The following CDC42SE1 variants were observed in gnomAD, a reference collection of about 807,000 sequenced individuals.
CDC42SE1 encodes the protein CDC42 small effector protein 1.
CDC42SE1 carries 10 observed loss-of-function variants against 10.9 expected under a neutral mutation model. The ratio of observed to expected loss-of-function variants is 0.92; its 90% CI spans 0.57 to 1.56. CDC42SE1 has a LOEUF of 1.56. Ranked by LOEUF, CDC42SE1 falls within the 40% of genes most tolerant of loss-of-function variation. The probability of loss-of-function intolerance (pLI) is 0.00; values close to 1 mark genes in which losing one functional copy is unlikely to be tolerated. For synonymous variants in CDC42SE1, 24 were observed against 32.0 expected (o/e 0.75, Z 0.85); for missense variants, 81 against 100.8 (o/e 0.80, Z 0.84).
Position 151,054,333 on chromosome 1 carries a change from C to G in CDC42SE1, c.166-12G>C. On this transcript the variant is annotated splice_polypyrimidine_tract_variant and intron_variant, in intron 3 of 4. Coordinates refer to ENST00000357235, the MANE Select transcript of CDC42SE1 (RefSeq NM_020239.4). Reference sequence around the variant, plus strand: ...TGAACTGCACCTGTCTGTAAAAAAACAGATGCGAGACACCTTCGTAAGTCT... The same window carrying G: ...TGAACTGCACCTGTCTGTAAAAAAAGAGATGCGAGACACCTTCGTAAGTCT... 1 of 1,607,088 alleles carries G rather than the reference C, an allele frequency of 6.2e-7. No individual in the cohort carries two copies. Among genetic ancestry groups the G allele is most frequent in the Non-Finnish European group, 8.5e-7 (1 of 1,173,880 alleles).
Position 151,055,125 on chromosome 1 carries a change from T to C in CDC42SE1, c.56A>G (p.Lys19Arg), listed in dbSNP as rs1676256621. ...CCGGTCAATCCGTCTTCTCTTCTTC[T>C]TCTGCTTGGAGAAGATAAGGAGTCA... ...GCCVVEKPQP[K>R]KKRRRIDRTM... Residue 19 changes from lysine (K) to arginine (R), a missense_variant and splice_region_variant, in exon 3 of 5, where the codon AAG becomes AGG. Coordinates refer to ENST00000357235, the MANE Select transcript of CDC42SE1 (RefSeq NM_020239.4). 1 of 1,611,320 alleles carries C rather than the reference T, an allele frequency of 6.2e-7. No homozygotes were observed. Among genetic ancestry groups the C allele is most frequent in the South Asian group, 1.1e-5 (1 of 91,004 alleles).
chr1:151,056,342 G>C (rs1352597152), intron 1 of CDC42SE1, among the ~76,000 whole-genome samples: 2 of 152,120 alleles, frequency 1.3e-5, no homozygotes, highest in African/African-American at 4.8e-5. Context: ...TCTGAGTTTA[G>C]GGCAGAAGGG....
intron 1 of CDC42SE1, 42 bp from the exon 2 acceptor site, chr1:151,056,035 TC>T (rs1676271598): frequency 2.4e-6 from 1 of 417,600 alleles, no homozygotes; most frequent in Non-Finnish European, 4.4e-6. Context: ...GTGAGAAATC[TC>T]CCCCTCCCCC....
In CDC42SE1 at chr1:151,055,713, G is replaced by A. The variant is rs1453842032; in HGVS notation, c.18C>T (p.His6=). 1.9e-6 allele frequency: 3 copies of A among 1,613,394 alleles called. No homozygotes were observed. Among genetic ancestry groups the A allele is most frequent in the African/African-American group, 2.7e-5 (2 of 74,886 alleles). The part of the protein sequence containing the change: MSEFW[H]KLGCCVVEKP... The stretch of plus-strand genomic sequence containing the variant: ...TCTCTACCACACAGCAGCCCAGTTT[G>A]TGCCAAAATTCACTCATGTTCCCTG... Residue 6 remains histidine, a synonymous_variant, in exon 2 of 5, where the codon CAC becomes CAT. Coordinates refer to ENST00000357235, the MANE Select transcript of CDC42SE1 (RefSeq NM_020239.4).
At position 151,055,102 on chromosome 1, in the gene CDC42SE1, G is replaced by A. The variant is rs775064335; in HGVS notation, c.79C>T (p.Arg27Trp). Residue 27 changes from arginine to tryptophan, a missense_variant, in exon 3 of 5, where the codon CGG (arginine) becomes TGG (tryptophan). By Grantham distance (101) the Arg-to-Trp change is moderately radical. Transcript: ENST00000357235. ...TTCATTGGTTCCCCAATCATGGTCCGGTCAATCCGTCTTCTCTTCTTCTTC... is the reference window on the plus strand; with the variant it reads ...TTCATTGGTTCCCCAATCATGGTCCAGTCAATCCGTCTTCTCTTCTTCTTC... Reference protein sequence around the residue: ...QPKKKRRRIDRTMIGEPMNFV... With the variant: ...QPKKKRRRIDWTMIGEPMNFV... The A allele has an allele frequency of 5.6e-6, 9 of 1,613,158 alleles. No individual in the cohort carries two copies. The highest frequency in any genetic ancestry group is 2.2e-5 in the East Asian group (1 of 44,858).
rs1337783730 is a variant in CDC42SE1, at chr1:151,055,962, C to A, written c.-232G>T. ...CCAGAGAGAGAGGTGGGCAGGCAGG[C>A]ACAAGGTTATGTCTTCCTCAGACTC... On this transcript the variant is annotated 5_prime_UTR_variant, in exon 2 of 5. Coordinates refer to ENST00000357235, the MANE Select transcript of CDC42SE1 (RefSeq NM_020239.4). 3.5e-6 allele frequency: 2 copies of A among 573,084 alleles called. No individual in the cohort carries two copies. Among genetic ancestry groups the A allele is most frequent in the Admixed American group, 3.0e-5 (1 of 33,220 alleles). The allele number at this position is 573,084 out of a possible 1,614,324, so 35.5% of individuals were successfully genotyped here. A position where few individuals can be genotyped will look rare whatever the true frequency, so the allele number is the denominator to read the frequency against.
At chr1:151,055,608 G>T in intron 2 of CDC42SE1, 69 bp downstream of exon 2, 1 of 1,269,770 alleles carries the variant, frequency 7.9e-7, no homozygotes, top group Non-Finnish European at 1.1e-6. Context: ...ATCCTAGATG[G>T]TGTGGCTACC....
At chr1:151,056,020 G>C in intron 1 of CDC42SE1, 27 bp from the exon 2 acceptor site, 1 of 463,644 alleles carries the variant, frequency 2.2e-6, no homozygotes, top group Non-Finnish European at 3.9e-6. Flanking sequence ...TAAAAAGAAA[G>C]ATCAGTGAGA....
intron 1 of CDC42SE1, chr1:151,056,771 G>A (rs1571852875): frequency 6.6e-6 from 1 of 152,464 alleles, no homozygotes; most frequent in East Asian, 1.9e-4. Context: ...CTCCACGTGT[G>A]TCCAGTACAG....
In CDC42SE1 at chr1:151,057,634, G is replaced by C. The variant is rs1227604450; in HGVS notation, c.-263-1641C>G. The C allele has an allele frequency of 6.6e-6, 1 of 152,454 alleles. No homozygotes were observed. The highest frequency in any genetic ancestry group is 1.5e-5 in the Non-Finnish European group (1 of 68,388). 9.4% of individuals were successfully genotyped at this position (152,454 alleles called of 1,614,324 possible). A position where few individuals can be genotyped will look rare whatever the true frequency, so the allele number is the denominator to read the frequency against. On this transcript the variant is annotated intron_variant, in intron 1 of 4. Coordinates refer to ENST00000357235, the MANE Select transcript of CDC42SE1 (RefSeq NM_020239.4). The surrounding 1 kb of genome is among the most constrained non-coding windows in gnomAD (Gnocchi z 4.0). ...AGCCCAAGAGTTGCGGCTACAGTGAGCCATGTTTGCACCCCTGCACTCCAG... is the reference window on the plus strand; with the variant it reads ...AGCCCAAGAGTTGCGGCTACAGTGACCCATGTTTGCACCCCTGCACTCCAG...
chr1:151,055,158 A>T, intron 2 of CDC42SE1, 32 bp from the exon 3 acceptor site: 1 of 1,502,016 alleles, frequency 6.7e-7, no homozygotes, highest in Non-Finnish European at 9.3e-7. Flanking sequence ...TCATGTCTTA[A>T]GGCCCCTCCT....
At position 151,053,164 on chromosome 1, in the gene CDC42SE1, A is replaced by C. The variant is rs1041074276; in HGVS notation, c.*180T>G. On this transcript the variant is annotated 3_prime_UTR_variant, in exon 5 of 5. Transcript: ENST00000357235. ...CTTGACCCCATCTCCAGGAGGGGCT[A>C]TGGCCAGAGGGAGTAGAGGGAGTCC... is the stretch of plus-strand genomic sequence containing the variant. 3 of 152,654 alleles carry C rather than the reference A, an allele frequency of 2.0e-5. No individual in the cohort carries two copies. Among genetic ancestry groups the C allele is most frequent in the Admixed American group, 6.5e-5 (1 of 15,272 alleles). 9.5% of individuals were successfully genotyped at this position (152,654 alleles called of 1,614,324 possible). A position where few individuals can be genotyped will look rare whatever the true frequency, so the allele number is the denominator to read the frequency against.
At position 151,054,994 on chromosome 1, in the gene CDC42SE1, C is replaced by T. The variant is rs1168936670; in HGVS notation, c.165+22G>A. 8.4e-6 allele frequency: 13 copies of T among 1,550,684 alleles called. No homozygotes were observed. In the Middle Eastern group the frequency reaches 5.0e-4, roughly 60 times the overall value. ...GTTATAGACCTCACCCCTGTATCAACCTCTCCCCATTTCCTTGTTACCATG... is the reference window on the plus strand; with the variant it reads ...GTTATAGACCTCACCCCTGTATCAATCTCTCCCCATTTCCTTGTTACCATG... On this transcript the variant is annotated intron_variant, in intron 3 of 4. Coordinates refer to ENST00000357235, the MANE Select transcript of CDC42SE1 (RefSeq NM_020239.4).
intron 4 of CDC42SE1, 91 bp downstream of exon 4, chr1:151,054,140 T>C (rs1676236856): frequency 2.3e-6 from 2 of 867,354 alleles, no homozygotes; most frequent in African/African-American, 3.3e-5. Context: ...CACACCTCCC[T>C]TTCTTGCATA....
chr1:151,054,922 G>A (rs1350758620), intron 3 of CDC42SE1, 94 bp downstream of exon 3: 13 of 911,240 alleles, frequency 1.4e-5, no homozygotes, highest in Admixed American at 2.0e-5. Context: ...CTTCCCCATT[G>A]AGTATTTTCA....
chr1:151,056,396 G>C (rs910771886), intron 1 of CDC42SE1, among the ~76,000 whole-genome samples: 1 of 152,050 alleles, frequency 6.6e-6, no homozygotes, highest in African/African-American at 2.4e-5. Context: ...GTGGTTTTTT[G>C]TTCTCACAAA....
At chr1:151,056,272 C>A (rs1336304861) in intron 1 of CDC42SE1, among the ~76,000 whole-genome samples, 1 of 152,146 alleles carries the variant, frequency 6.6e-6, no homozygotes, top group Non-Finnish European at 1.5e-5. Flanking sequence ...GGGCGAGGAC[C>A]AAAGGATAGT....
intron 4 of CDC42SE1, among the ~76,000 whole-genome samples, chr1:151,053,723 C>G (rs1159265932): frequency 6.6e-6 from 1 of 152,186 alleles, no homozygotes; most frequent in African/African-American, 2.4e-5. Context: ...CTCAAGTCAT[C>G]TGCTGACCTC....
chr1:151,056,247 T>TA (rs1676275682), intron 1 of CDC42SE1, among the ~76,000 whole-genome samples: 1 of 152,124 alleles, frequency 6.6e-6, no homozygotes, highest in East Asian at 1.9e-4. Context: ...TAGAAGCACT[T>TA]AGAGTTAAGA....
Sources: gnomAD v4.1 joint callset for allele counts (sites outside exome capture counted in the v4.1 genomes callset) on GRCh38, gnomAD v4.1.1 for gene constraint, Gnocchi (gnomAD v3.1) non-coding constraint, MANE v1.5 for transcripts, NCBI Gene and HGNC (gene_info 2026-07-23, HGNC 2026-07-21) for gene names.